DTWD2: variants seen among roughly 807,000 people sequenced by gnomAD.
The protein encoded by DTWD2 is DTW motif tRNA-uridine aminocarboxypropyltransferase 2, also known as tRNA-uridine aminocarboxypropyltransferase 2.
A neutral mutation model predicts 31.8 loss-of-function variants in DTWD2; 39 were observed. The observed-to-expected ratio is 1.22, with a 90% confidence interval of 0.95 to 1.60. The LOEUF (loss-of-function observed/expected upper bound fraction) is 1.60. DTWD2 is among the 40% of genes most tolerant of loss of function. The pLI, the probability that DTWD2 is intolerant of heterozygous loss-of-function variation, is 0.00. For synonymous variants in DTWD2, 180 were observed against 142.8 expected (o/e 1.26, Z -1.86); for missense variants, 515 against 381.5 (o/e 1.35, Z -2.92).
intron 1 of DTWD2, among the ~76,000 whole-genome samples, chr5:118,972,369 T>G (rs566588338): frequency 6.6e-6 from 1 of 152,254 alleles, no homozygotes; most frequent in South Asian, 2.1e-4. Flanking sequence ...CTAGAAAATC[T>G]AGGAGAAATG....
rs1474799064 is a variant in DTWD2, at chr5:118,848,126, A to T, written c.690T>A (p.Ala230=). ...CLSTLECAAV[A]LSILEKNNYI... Reference sequence around the variant, plus strand: ...AATTATTTTTCTCCAAGATGGAAAGAGCAACAGCTGCACACTCCAGTGTAG... The same window carrying T: ...AATTATTTTTCTCCAAGATGGAAAGTGCAACAGCTGCACACTCCAGTGTAG... The change falls in exon 5 of 6, where the codon GCT becomes GCA. Residue 230 remains alanine (A), a synonymous_variant. Coordinates refer to ENST00000510708, the MANE Select transcript of DTWD2 (RefSeq NM_173666.4). The T allele has an allele frequency of 6.3e-7, 1 of 1,588,572 alleles. No individual in the cohort carries two copies. Among genetic ancestry groups the T allele is most frequent in the South Asian group, 1.2e-5 (1 of 85,764 alleles).
At chr5:118,950,912 T>C (rs569163734) in intron 1 of DTWD2, among the ~76,000 whole-genome samples, 1 of 152,264 alleles carries the variant, frequency 6.6e-6, no homozygotes, top group South Asian at 2.1e-4. Context: ...GAGCTTTTTT[T>C]AAACGTCAGG....
intron 4 of DTWD2, among the ~76,000 whole-genome samples, chr5:118,910,516 C>T (rs1753435494): frequency 6.6e-6 from 1 of 152,280 alleles, no homozygotes; most frequent in East Asian, 1.9e-4. Context: ...AAAACTGGGG[C>T]TTTCTCTGCA....
intron 4 of DTWD2, among the ~76,000 whole-genome samples, chr5:118,871,314 GTTA>G (rs1475199920): frequency 6.6e-6 from 1 of 152,102 alleles, no homozygotes; most frequent in African/African-American, 2.4e-5. Flanking sequence ...CCAAACTCCT[GTTA>G]TTATTTTGAC....
intron 1 of DTWD2, among the ~76,000 whole-genome samples, chr5:118,945,059 T>C (rs1446893358): frequency 1.3e-5 from 2 of 152,180 alleles, no homozygotes; most frequent in Non-Finnish European, 2.9e-5. Flanking sequence ...GATAAAATAC[T>C]AGAATATAAT....
intron 1 of DTWD2, among the ~76,000 whole-genome samples, chr5:118,981,936 CT>C (rs1232594402): frequency 6.6e-5 from 10 of 152,148 alleles, no homozygotes; most frequent in African/African-American, 1.4e-4. Context: ...TGCAGTCATA[CT>C]GTTCATTATT....
At position 118,843,244 on chromosome 5, in the gene DTWD2, C is replaced by T. The variant is rs568758302; in HGVS notation, c.727-2157G>A. On this transcript the variant is annotated intron_variant, in intron 5 of 5. Transcript: ENST00000510708. The stretch of plus-strand genomic sequence containing the variant: ...TGCTGGGATTACAGGTGTGAGCCAC[C>T]GCATCCGGCCCAGAATAGAAATGAA... Among the ~76,000 whole-genome samples, 12 of 151,122 alleles carry T rather than the reference C, an allele frequency of 7.9e-5. No homozygotes were observed. The South Asian group carries it at 1.0e-3, about 13-fold the overall frequency.
chr5:118,915,952 G>A (rs1335070787), intron 4 of DTWD2, among the ~76,000 whole-genome samples: 1 of 152,192 alleles, frequency 6.6e-6, no homozygotes, highest in Non-Finnish European at 1.5e-5. Context: ...CAATGTGAAT[G>A]AGCACTCTTA....
intron 3 of DTWD2, among the ~76,000 whole-genome samples, chr5:118,931,351 A>C (rs1753918209): frequency 6.8e-6 from 1 of 147,244 alleles, no homozygotes; most frequent in Non-Finnish European, 1.5e-5. Flanking sequence ...GTGAACCATG[A>C]TTGTGCCACT....
Position 118,985,362 on chromosome 5 carries a change from C to T in DTWD2, c.218+2932G>A, listed in dbSNP as rs1755399282. On this transcript the variant is annotated intron_variant, in intron 1 of 5. Coordinates refer to ENST00000510708, the MANE Select transcript of DTWD2 (RefSeq NM_173666.4). ...ATTTCCCAGATCTTTTCCTCATCTC[C>T]ACCATACAAACTTAGGGTTAGGAGC... 2.0e-5 allele frequency among the ~76,000 whole-genome samples: 3 copies of T among 151,690 alleles called. No individual in the cohort carries two copies. The South Asian group carries it at 6.2e-4, about 32-fold the overall frequency.
chr5:118,932,886 C>A (rs1405091809), intron 3 of DTWD2, among the ~76,000 whole-genome samples: 1 of 151,968 alleles, frequency 6.6e-6, no homozygotes, highest in Non-Finnish European at 1.5e-5. Context: ...AACTAATACA[C>A]TGGTTCTTTG....
chr5:118,916,283 G>C (rs761220663), intron 4 of DTWD2, among the ~76,000 whole-genome samples: 1 of 152,196 alleles, frequency 6.6e-6, no homozygotes, highest in African/African-American at 2.4e-5. Context: ...CAAAGGATAT[G>C]TGGTCCATGA....
At chr5:118,856,007 A>G (rs1036886419) in intron 4 of DTWD2, among the ~76,000 whole-genome samples, 4 of 152,178 alleles carry the variant, frequency 2.6e-5, no homozygotes, top group Non-Finnish European at 4.4e-5. Context: ...TAACCATTTA[A>G]GAAACTGAAT....
At chr5:118,950,921 G>A (rs185989820) in intron 1 of DTWD2, among the ~76,000 whole-genome samples, 1 of 151,374 alleles carries the variant, frequency 6.6e-6, no homozygotes, top group African/African-American at 2.5e-5. Flanking sequence ...TTAAACGTCA[G>A]GAGCAGATTG....
chr5:118,928,650 C>G lies in DTWD2; in HGVS notation c.484G>C (p.Glu162Gln). 6.2e-7 allele frequency: 1 copy of G among 1,601,320 alleles called. No individual in the cohort carries two copies. Among genetic ancestry groups the G allele is most frequent in the Non-Finnish European group, 8.5e-7 (1 of 1,173,180 alleles). Residue 162 changes from glutamate (E) to glutamine (Q), a missense_variant, in exon 4 of 6, where the codon GAA becomes CAA. Transcript: ENST00000510708. ...YPGAEAANLEEFILDSPVYPS... is the reference protein window; with the variant it reads ...YPGAEAANLEQFILDSPVYPS... ...TAAACAGGAGAATCTAATATAAATTCTTCCAAATTAGCAGCTTCAGCCCCT... is the reference window on the plus strand; with the variant it reads ...TAAACAGGAGAATCTAATATAAATTGTTCCAAATTAGCAGCTTCAGCCCCT...
rs1751678333 is a variant in DTWD2 at position 118,840,219 on chromosome 5, CAATAA to C, written c.*693_*697del. The C allele has an allele frequency of 6.6e-6, 1 of 152,026 alleles. No individual in the cohort carries two copies. The highest frequency in any genetic ancestry group is 1.5e-5 in the Non-Finnish European group (1 of 67,988). The allele number at this position is 152,026 out of a possible 1,614,324, so 9.4% of individuals were successfully genotyped here. A position where few individuals can be genotyped will look rare whatever the true frequency, so the allele number is the denominator to read the frequency against. On this transcript the variant is annotated 3_prime_UTR_variant, in exon 6 of 6. Transcript: ENST00000510708. ...CTTATTATTTTCCATATGAAAACAT[CAATAA>C]AATAAGTTTACCAGAGTCAATAAGC...
intron 1 of DTWD2, among the ~76,000 whole-genome samples, chr5:118,986,648 A>G (rs1309015572): frequency 6.6e-6 from 1 of 152,230 alleles, no homozygotes. Flanking sequence ...TAATGAAATA[A>G]AATATAAAAA....
intron 4 of DTWD2, among the ~76,000 whole-genome samples, chr5:118,884,678 A>T (rs1253979833): frequency 6.6e-6 from 1 of 152,048 alleles, no homozygotes; most frequent in African/African-American, 2.4e-5. Context: ...TTTGTATCCT[A>T]TTTCTCCGGA....
At chr5:118,917,661 A>AG in intron 4 of DTWD2, among the ~76,000 whole-genome samples, 1 of 152,272 alleles carries the variant, frequency 6.6e-6, no homozygotes, top group Admixed American at 6.5e-5. Flanking sequence ...AGCAAAGGGG[A>AG]GAAAAACCCC....
Sources: allele counts gnomAD v4.1 joint callset (sites outside exome capture counted in the v4.1 genomes callset), GRCh38; gene constraint gnomAD v4.1.1; transcripts MANE v1.5; gene names NCBI Gene and HGNC (gene_info 2026-07-23, HGNC 2026-07-21).